Variants in HPD observed in about 807,000 individuals in gnomAD.
HPD encodes the protein 4-hydroxyphenylpyruvic acid oxidase.
HPD carries 35 observed loss-of-function variants against 56.9 expected under a neutral mutation model. The observed-to-expected ratio is 0.62, with a 90% CI of 0.47 to 0.82. The LOEUF (loss-of-function observed/expected upper bound fraction) is 0.82, where lower values mean the gene tolerates loss of function less well. Ranked by LOEUF, HPD falls within the 40% of genes least tolerant of loss-of-function variation. The pLI, the probability that HPD is intolerant of heterozygous loss-of-function variation, is 0.00. For missense variants in HPD, 442 were observed against 506.8 expected (o/e 0.87, Z 1.23); for synonymous variants, 186 against 200.2 (o/e 0.93, Z 0.60).
At chr12:121,882,419 C>T in the HPD span, among the ~76,000 whole-genome samples, 3 of 152,240 alleles carry the variant, frequency 2.0e-5, no homozygotes, top group South Asian at 6.2e-4. Context: ...AACTGAAGTT[C>T]TCCTAGATCT....
Position 121,839,667 on chromosome 12 carries a change from G to T in HPD, c.*61C>A. The T allele has an allele frequency of 8.0e-7, 1 of 1,250,546 alleles. No individual in the cohort carries two copies. The highest frequency in any genetic ancestry group is 1.2e-6 in the Non-Finnish European group (1 of 851,016). The allele number at this position is 1,250,546 out of a possible 1,614,324, so 77.5% of individuals were successfully genotyped here. On this transcript the variant is annotated 3_prime_UTR_variant, in exon 14 of 14. Transcript: ENST00000289004. ...GGGGAGCAGCCAGTAGGGAAGTTGG[G>T]CGAGTTCCAGAATCAGGGGGCGTGG...
In HPD at chr12:121,857,443, G is replaced by C. The variant is rs1878045917; in HGVS notation, c.94-11C>G. 1.3e-6 allele frequency: 2 copies of C among 1,588,896 alleles called. No individual in the cohort carries two copies. The highest frequency in any genetic ancestry group is 1.7e-6 in the Non-Finnish European group (2 of 1,157,138). ...GTAGAATGACGTGGCCTGAATCACA[G>C]GGTTGCAGCAGGGTTCATGAGGGTC... is the stretch of plus-strand genomic sequence containing the variant. On this transcript the variant is annotated splice_polypyrimidine_tract_variant and intron_variant, in intron 3 of 13. Transcript: ENST00000289004.
At chr12:121,866,006 A>G (rs888998962), upstream of HPD, among the ~76,000 whole-genome samples, 2 of 151,546 alleles carry the variant, frequency 1.3e-5, no homozygotes, top group East Asian at 3.9e-4. Context: ...AAAGCAAAAC[A>G]AAACAAAAAG....
intron 11 of HPD, among the ~76,000 whole-genome samples, chr12:121,845,848 G>A (rs1350551523): frequency 1.3e-5 from 2 of 152,074 alleles, no homozygotes; most frequent in Non-Finnish European, 2.9e-5. Flanking sequence ...AACTGTTATA[G>A]GCATGAGCCA....
chr12:121,883,678 C>CT, the HPD span, among the ~76,000 whole-genome samples: 1 of 124,378 alleles, frequency 8.0e-6, no homozygotes, highest in Non-Finnish European at 1.7e-5. Flanking sequence ...CCTTTTCCTT[C>CT]TTTCTTTTTT....
chr12:121,862,685 G>A (rs3109093), upstream of HPD, among the ~76,000 whole-genome samples: 2,709 of 126,766 alleles, frequency 0.021, 106 homozygotes, highest in African/African-American at 0.072. Flanking sequence ...TTGGCATCTC[G>A]GCTCAATGCA....
the HPD span, among the ~76,000 whole-genome samples, chr12:121,886,416 T>TG: frequency 6.7e-6 from 1 of 148,670 alleles, no homozygotes; most frequent in African/African-American, 2.5e-5. Context: ...CCTAGTTTTT[T>TG]TTTTTTTTTT....
At chr12:121,881,472 A>T in the HPD span, among the ~76,000 whole-genome samples, 4 of 152,152 alleles carry the variant, frequency 2.6e-5, no homozygotes, top group East Asian at 5.8e-4. Context: ...AGCAGCAGCT[A>T]TGTCCCTGTA....
the HPD span, among the ~76,000 whole-genome samples, chr12:121,888,065 C>A: frequency 0.034 from 5,238 of 152,276 alleles, 121 homozygotes; most frequent in Non-Finnish European, 0.048. Context: ...AATCTAGCTT[C>A]ATGAGGTTGT....
chr12:121,848,860 C>G, intron 9 of HPD, 139 bp downstream of exon 9: 1 of 770,858 alleles, frequency 1.3e-6, no homozygotes, highest in East Asian at 2.5e-5. Flanking sequence ...CCCACCTCGG[C>G]TTCCCAGAAT....
chr12:121,845,656 G>A lies in HPD; in HGVS notation c.831+1206C>T, dbSNP rs371628712. 1.0e-4 allele frequency among the ~76,000 whole-genome samples: 15 copies of A among 150,152 alleles called. No homozygotes were observed. In the East Asian group the frequency reaches 3.0e-3, roughly 30 times the overall value. On this transcript the variant is annotated intron_variant, in intron 11 of 13. Coordinates refer to ENST00000289004, the MANE Select transcript of HPD (RefSeq NM_002150.3). Reference sequence around the variant, plus strand: ...TTACTATGTTGCCCACGTTGGTCTTGAACTTCTGAGCTCAAGCAGTCCTCC... The same window carrying A: ...TTACTATGTTGCCCACGTTGGTCTTAAACTTCTGAGCTCAAGCAGTCCTCC...
intron 11 of HPD, among the ~76,000 whole-genome samples, chr12:121,844,083 C>G (rs1361672370): frequency 6.6e-6 from 1 of 151,928 alleles, no homozygotes; most frequent in East Asian, 1.9e-4. Flanking sequence ...GAGATGGAGT[C>G]TCTGTTGCCC....
chr12:121,874,627 C>A, the HPD span, among the ~76,000 whole-genome samples: 2 of 152,012 alleles, frequency 1.3e-5, no homozygotes, highest in Admixed American at 1.3e-4. Context: ...TCAAAACAAA[C>A]AAACAAGCAA....
rs760875958 is a variant in HPD at position 121,857,427 on chromosome 12, C to G, written c.99G>C (p.Thr33=). The G allele has an allele frequency of 3.7e-6, 6 of 1,610,100 alleles. No homozygotes were observed. The highest frequency in any genetic ancestry group is 5.1e-6 in the Non-Finnish European group (6 of 1,176,420). Residue 33 remains threonine (T), a synonymous_variant, in exon 4 of 14, where the codon ACG becomes ACC. Transcript: ENST00000289004. ...AGCCCATCTTGCTGCAGTAGAATGA[C>G]GTGGCCTGAATCACAGGGTTGCAGC... ...TFWVGNAKQA[T]SFYCSKMGFE...
the HPD span, among the ~76,000 whole-genome samples, chr12:121,877,914 TC>T: frequency 2.6e-5 from 4 of 152,120 alleles, no homozygotes; most frequent in African/African-American, 7.2e-5. Flanking sequence ...TTATGTGAAA[TC>T]CTTTGATTTG....
Position 121,857,839 on chromosome 12 carries a change from G to A in HPD, c.31-20C>T, listed in dbSNP as rs377055018. 6.8e-5 allele frequency: 109 copies of A among 1,601,756 alleles called. No homozygotes were observed. The African/African-American group carries it at 1.3e-3, about 19-fold the overall frequency. On this transcript the variant is annotated intron_variant, in intron 2 of 13. Coordinates refer to ENST00000289004, the MANE Select transcript of HPD (RefSeq NM_002150.3). ...CTCAGGCTGCAGAAGGAGAGAAGAG[G>A]TGAGGTTGAGTCCCTGAAAGTGAGT...
At chr12:121,869,472 C>T in the HPD span, among the ~76,000 whole-genome samples, 1 of 151,792 alleles carries the variant, frequency 6.6e-6, no homozygotes, top group Non-Finnish European at 1.5e-5. Context: ...TAGTCATGAG[C>T]CACTGGTGTG....
At chr12:121,882,742 C>T in the HPD span, among the ~76,000 whole-genome samples, 1 of 151,980 alleles carries the variant, frequency 6.6e-6, no homozygotes, top group Non-Finnish European at 1.5e-5. Flanking sequence ...TGAGAGGGAT[C>T]TTTTTCTTTT....
At chr12:121,846,810 C>A in intron 11 of HPD, 52 bp downstream of exon 11, 1 of 1,569,584 alleles carries the variant, frequency 6.4e-7, no homozygotes, top group Non-Finnish European at 8.8e-7. Context: ...TTGCAGAGAT[C>A]GTCCCTGGCT....
Sources: gnomAD v4.1 joint callset for allele counts (sites outside exome capture counted in the v4.1 genomes callset) on GRCh38, gnomAD v4.1.1 for gene constraint, MANE v1.5 for transcripts, NCBI Gene and HGNC (gene_info 2026-07-23, HGNC 2026-07-21) for gene names.